The following HPR variants were observed in gnomAD, a reference collection of about 807,000 sequenced individuals.
HPR encodes the protein Haptoglobin-related locus.
A neutral mutation model predicts 18.5 loss-of-function variants in HPR; 17 were observed. That is an observed-to-expected ratio of 0.92 (90% CI 0.63 to 1.38). The LOEUF (loss-of-function observed/expected upper bound fraction) is 1.38, where lower values mean the gene tolerates loss of function less well. Among genes scored for constraint, HPR ranks in the 40% most tolerant of loss-of-function variants. HPR has a pLI of 0.00. For synonymous variants in HPR, 176 were observed against 165.0 expected (o/e 1.07, Z -0.51); for missense variants, 457 against 432.4 (o/e 1.06, Z -0.51).
At chr16:72,072,006 C>G (rs369561603) in intron 1 of HPR, among the ~76,000 whole-genome samples, 2 of 151,740 alleles carry the variant, frequency 1.3e-5, no homozygotes, top group African/African-American at 4.9e-5. Context: ...TTATTACAAC[C>G]AATGATGATT....
chr16:72,076,624 A>AGGTGCTTGTTAATGAGAGAGT lies in HPR; in HGVS notation c.592_612dup (p.Val198_Val204dup). 1.9e-6 allele frequency: 3 copies of AGGTGCTTGTTAATGAGAGAGT among 1,614,186 alleles called. No individual in the cohort carries two copies. Among genetic ancestry groups the AGGTGCTTGTTAATGAGAGAGT allele is most frequent in the Non-Finnish European group, 2.5e-6 (3 of 1,180,020 alleles). On this transcript the variant is annotated inframe_insertion, in exon 5 of 5. Transcript: ENST00000540303. ...ATTGGGCTCATCAAACTCAAACAGA[A>AGGTGCTTGTTAATGAGAGAGT]GGTGCTTGTTAATGAGAGAGTGATG...
chr16:72,068,884 A>G (rs2041625551), intron 1 of HPR, among the ~76,000 whole-genome samples: 1 of 152,172 alleles, frequency 6.6e-6, no homozygotes, highest in African/African-American at 2.4e-5. Context: ...CTAAAAAAAG[A>G]TGAGAGAACA....
At chr16:72,066,078 T>C (rs995770308) in intron 1 of HPR, among the ~76,000 whole-genome samples, 2 of 152,158 alleles carry the variant, frequency 1.3e-5, no homozygotes, top group Admixed American at 6.5e-5. Flanking sequence ...AATAGAGCAG[T>C]GTAAAAAGGA....
chr16:72,075,541 A>C (rs1162739179), intron 4 of HPR, among the ~76,000 whole-genome samples: 1 of 152,232 alleles, frequency 6.6e-6, no homozygotes, highest in East Asian at 1.9e-4. Flanking sequence ...AGGGAGAACA[A>C]GTCAAGGGAT....
chr16:72,064,494 T>C (rs1217754457), intron 1 of HPR, among the ~76,000 whole-genome samples: 1 of 152,056 alleles, frequency 6.6e-6, no homozygotes, highest in Non-Finnish European at 1.5e-5. Flanking sequence ...AAAACTGATC[T>C]TCCCGCCTTC....
intron 1 of HPR, among the ~76,000 whole-genome samples, chr16:72,070,606 CTT>C (rs1246700212): frequency 6.6e-6 from 1 of 152,208 alleles, no homozygotes; most frequent in Non-Finnish European, 1.5e-5. Context: ...CTAAAAAGGG[CTT>C]AATAATCACT....
intron 1 of HPR, 38 bp downstream of exon 1, chr16:72,063,298 T>C (rs2041561829): frequency 6.4e-7 from 1 of 1,559,396 alleles, no homozygotes; most frequent in Non-Finnish European, 8.7e-7. Context: ...TTCCTCTGGT[T>C]CTTTATTTCA....
intron 3 of HPR, 37 bp downstream of exon 3, chr16:72,074,422 A>C (rs2041695045): frequency 6.6e-7 from 1 of 1,504,818 alleles, no homozygotes; most frequent in Non-Finnish European, 9.3e-7. Flanking sequence ...CTCTACCTAC[A>C]ACCCCTGCTC....
At chr16:72,074,028 CACTCTG>C in intron 2 of HPR, 51 bp downstream of exon 2, 3 of 1,607,760 alleles carry the variant, frequency 1.9e-6, no homozygotes, top group Non-Finnish European at 2.6e-6. Flanking sequence ...TGCCACATCC[CACTCTG>C]ACTCTCTCGG....
intron 1 of HPR, among the ~76,000 whole-genome samples, chr16:72,072,031 G>A (rs903842182): frequency 5.3e-5 from 8 of 150,290 alleles, no homozygotes; most frequent in Non-Finnish European, 1.2e-4. Context: ...TTTTTTTGAC[G>A]GAGTTTTGCT....
At chr16:72,074,534 T>C in intron 3 of HPR, 149 bp downstream of exon 3, 2 of 786,136 alleles carry the variant, frequency 2.5e-6, no homozygotes, top group Non-Finnish European at 4.5e-6. Flanking sequence ...TTGTCGCCAG[T>C]AGCCATGGCC....
chr16:72,070,380 C>A (rs2041641695), intron 1 of HPR, among the ~76,000 whole-genome samples: 1 of 152,186 alleles, frequency 6.6e-6, no homozygotes, highest in Non-Finnish European at 1.5e-5. Context: ...GTTTCCAGCA[C>A]ATTAGCGTCA....
intron 1 of HPR, among the ~76,000 whole-genome samples, chr16:72,063,998 C>A (rs1201335687): frequency 4.6e-5 from 7 of 152,140 alleles, no homozygotes; most frequent in African/African-American, 1.7e-4. Context: ...TCTCGGCCTC[C>A]CAAAGTGTTG....
intron 1 of HPR, 112 bp from the exon 2 acceptor site, chr16:72,073,780 A>C (rs1567590011): frequency 6.3e-7 from 1 of 1,588,380 alleles, no homozygotes; most frequent in Non-Finnish European, 8.6e-7. Context: ...GTGTGTATGC[A>C]TGTGTGTGTG....
At chr16:72,073,857 C>A (rs763059943) in intron 1 of HPR, 35 bp from the exon 2 acceptor site, 4 of 1,613,328 alleles carry the variant, frequency 2.5e-6, no homozygotes, top group Non-Finnish European at 3.4e-6. Context: ...AGCAGGGAGA[C>A]CAGCTTTCCG....
chr16:72,076,676 T>C lies in HPR; in HGVS notation c.642T>C (p.Tyr214=), dbSNP rs1567591500. Residue 214 remains tyrosine (Y), a synonymous_variant, in exon 5 of 5, where the codon TAT becomes TAC. Coordinates refer to ENST00000540303, the MANE Select transcript of HPR (RefSeq NM_020995.4). ...VMPICLPSKN[Y]AEVGRVGYVS... ...CCATCTGCCTACCTTCAAAGAATTATGCAGAAGTAGGGCGTGTGGGTTACG... is the reference window on the plus strand; with the variant it reads ...CCATCTGCCTACCTTCAAAGAATTACGCAGAAGTAGGGCGTGTGGGTTACG... The C allele has an allele frequency of 7.4e-6, 12 of 1,614,082 alleles. No homozygotes were observed. The highest frequency in any genetic ancestry group is 2.7e-5 in the African/African-American group (2 of 74,938).
rs2041740831 is a variant in HPR at position 72,077,033 on chromosome 16, G to A, written c.999G>A (p.Lys333=). The change falls in exon 5 of 5, where the codon AAG becomes AAA. Residue 333 remains lysine, a synonymous_variant. Transcript: ENST00000540303. ...CAVAEYGVYV[K]VTSIQHWVQK... ...TGGCTGAGTATGGTGTGTATGTGAA[G>A]GTGACTTCCATCCAGCACTGGGTTC... 1 of 1,613,986 alleles carries A rather than the reference G, an allele frequency of 6.2e-7. No individual in the cohort carries two copies. The highest frequency in any genetic ancestry group is 1.1e-5 in the South Asian group (1 of 91,050).
intron 2 of HPR, 47 bp from the exon 3 acceptor site, chr16:72,074,237 G>T: frequency 6.4e-7 from 1 of 1,555,506 alleles, no homozygotes; most frequent in East Asian, 2.3e-5. Context: ...TGGGTCTCTG[G>T]GAACAATTTC....
chr16:72,076,453 T>A lies in HPR; in HGVS notation c.419T>A (p.Leu140Gln). The A allele has an allele frequency of 6.2e-7, 1 of 1,614,192 alleles. No individual in the cohort carries two copies. Among genetic ancestry groups the A allele is most frequent in the African/African-American group, 1.3e-5 (1 of 75,070 alleles). Residue 140 changes from leucine to glutamine, a missense_variant, in exon 5 of 5, where the codon CTG becomes CAG. Coordinates refer to ENST00000540303, the MANE Select transcript of HPR (RefSeq NM_020995.4). ...GATLINEQWL[L>Q]TTAKNLFLNH... ...ACGCTGATCAATGAACAATGGCTGCTGACCACGGCTAAAAATCTCTTCCTG... is the reference window on the plus strand; with the variant it reads ...ACGCTGATCAATGAACAATGGCTGCAGACCACGGCTAAAAATCTCTTCCTG...
Sources: gnomAD v4.1 joint callset for allele counts (sites outside exome capture counted in the v4.1 genomes callset) on GRCh38, gnomAD v4.1.1 for gene constraint, MANE v1.5 for transcripts, NCBI Gene and HGNC (gene_info 2026-07-23, HGNC 2026-07-21) for gene names.